KSR2: variants seen among roughly 807,000 people sequenced by gnomAD.
KSR2 encodes the protein kinase suppressor of ras 2.
KSR2 carries 25 observed loss-of-function variants against 107.8 expected under a neutral mutation model. The ratio of observed to expected loss-of-function variants is 0.23; its 90% CI spans 0.17 to 0.32. KSR2 has a LOEUF of 0.32. Ranked by LOEUF, KSR2 falls within the 10% of genes least tolerant of loss-of-function variation. The pLI is 1.00. For missense variants in KSR2, 887 were observed against 1,268.9 expected, an observed-to-expected ratio of 0.70 and a Z score of 4.57; for synonymous variants, 480 against 507.0, an observed-to-expected ratio of 0.95 and a Z score of 0.71.
intron 9 of KSR2, among the ~76,000 whole-genome samples, chr12:117,544,522 G>A (rs1876722474): frequency 6.6e-6 from 1 of 152,050 alleles, no homozygotes; most frequent in African/African-American, 2.4e-5. Context: ...GGGAGGCTGA[G>A]GCGGAAGAAT....
chr12:117,707,902 G>A (rs1410616793), intron 4 of KSR2, among the ~76,000 whole-genome samples: 1 of 152,146 alleles, frequency 6.6e-6, no homozygotes, highest in Non-Finnish European at 1.5e-5. Flanking sequence ...ATTTCCCCTA[G>A]GGTGATCCTT....
chr12:117,471,160 C>G (rs145464359), intron 18 of KSR2, 31 bp downstream of exon 18: 2 of 1,610,244 alleles, frequency 1.2e-6, no homozygotes, highest in South Asian at 2.2e-5. Flanking sequence ...CTCCCCTCAT[C>G]CCCCAAGTCT....
At chr12:117,945,597 C>G (rs549443672) in intron 1 of KSR2, among the ~76,000 whole-genome samples, 57 of 152,272 alleles carry the variant, frequency 3.7e-4, no homozygotes, top group Non-Finnish European at 4.4e-4. Flanking sequence ...TTACTTGAAC[C>G]TCGGAGGTAG....
intron 3 of KSR2, among the ~76,000 whole-genome samples, chr12:117,761,769 G>C (rs758645454): frequency 6.6e-6 from 1 of 152,038 alleles, no homozygotes; most frequent in Middle Eastern, 3.2e-3. Context: ...TACATCGTAT[G>C]CATGTTATAT....
chr12:117,719,288 A>G (rs1887118170), intron 4 of KSR2, among the ~76,000 whole-genome samples: 1 of 152,148 alleles, frequency 6.6e-6, no homozygotes, highest in Non-Finnish European at 1.5e-5. Context: ...TCTACCTCCC[A>G]GGTTCAAGCA....
chr12:117,928,543 A>C (rs1895605798), intron 1 of KSR2, among the ~76,000 whole-genome samples: 1 of 152,164 alleles, frequency 6.6e-6, no homozygotes, highest in South Asian at 2.1e-4. Flanking sequence ...TGGGTATATC[A>C]TATTTTATTT....
intron 16 of KSR2, among the ~76,000 whole-genome samples, chr12:117,480,022 ATGTGTATGTGTGTGTG>A (rs1401390807): frequency 6.3e-5 from 9 of 142,192 alleles, no homozygotes; most frequent in Admixed American, 3.4e-4. Flanking sequence ...ATCATTACAC[ATGTGTATGTGTGTGTG>A]TGTGTGTGTG....
Position 117,547,337 on chromosome 12 carries a change from C to A in KSR2, c.1519-7450G>T, listed in dbSNP as rs139853856. On this transcript the variant is annotated intron_variant, in intron 9 of 19. Coordinates refer to ENST00000339824, the MANE Select transcript of KSR2 (RefSeq NM_173598.6). ...ACTCTTGCTGGGAGGGGTAAGAATGCCAAAAAGCAGGGAGCAGACTTGTTA... is the reference window on the plus strand; with the variant it reads ...ACTCTTGCTGGGAGGGGTAAGAATGACAAAAAGCAGGGAGCAGACTTGTTA... 5.3e-5 allele frequency among the ~76,000 whole-genome samples: 8 copies of A among 152,236 alleles called. No individual in the cohort carries two copies. The East Asian group carries it at 1.3e-3, about 26-fold the overall frequency.
chr12:117,891,502 C>T (rs562163625), intron 1 of KSR2, among the ~76,000 whole-genome samples: 2 of 151,846 alleles, frequency 1.3e-5, no homozygotes, highest in Admixed American at 1.3e-4. Flanking sequence ...CTTTGGGAGG[C>T]AAAGGTGGGA....
chr12:117,608,261 A>G (rs570340638), intron 5 of KSR2, among the ~76,000 whole-genome samples: 1 of 152,338 alleles, frequency 6.6e-6, no homozygotes, highest in South Asian at 2.1e-4. Flanking sequence ...CCTTGAAGAC[A>G]TGGCTGTGTC....
chr12:117,948,145 GTCAA>G (rs1413255265), intron 1 of KSR2, among the ~76,000 whole-genome samples: 3 of 151,976 alleles, frequency 2.0e-5, no homozygotes, highest in African/African-American at 7.3e-5. Context: ...GATTTGACTG[GTCAA>G]TTTTAAGAAT....
intron 1 of KSR2, among the ~76,000 whole-genome samples, chr12:117,914,966 C>A (rs961586284): frequency 1.3e-5 from 2 of 152,198 alleles, no homozygotes; most frequent in Admixed American, 1.3e-4. Context: ...AGAAAGGACA[C>A]ACTTAGGTAC....
chr12:117,609,285 C>T (rs1167581264), intron 5 of KSR2, among the ~76,000 whole-genome samples: 3 of 152,216 alleles, frequency 2.0e-5, no homozygotes, highest in Middle Eastern at 3.4e-3. Flanking sequence ...ACAGGGTTGA[C>T]GTGAAATGAA....
At chr12:117,684,688 T>C (rs1178304402) in intron 4 of KSR2, among the ~76,000 whole-genome samples, 3 of 152,176 alleles carry the variant, frequency 2.0e-5, no homozygotes, top group Admixed American at 2.0e-4. Flanking sequence ...CACCAAGTTC[T>C]CTCTGTGTCA....
At position 117,699,934 on chromosome 12, in the gene KSR2, G is replaced by A. The variant is rs145828688; in HGVS notation, c.987-32276C>T. 7.8e-4 allele frequency among the ~76,000 whole-genome samples: 119 copies of A among 152,064 alleles called. 2 individuals carry two copies. In the East Asian group the frequency reaches 0.021, roughly 26 times the overall value. On this transcript the variant is annotated intron_variant, in intron 4 of 19. Coordinates refer to ENST00000339824, the MANE Select transcript of KSR2 (RefSeq NM_173598.6). ...GTCACCCTGGCTGGAGTGCAGTGGC[G>A]CGACCTTGGCTCACTGTAACCTATG...
chr12:117,846,130 A>G (rs1299043047), intron 3 of KSR2, among the ~76,000 whole-genome samples: 1 of 151,932 alleles, frequency 6.6e-6, no homozygotes, highest in African/African-American at 2.4e-5. Context: ...CCACCATTGC[A>G]TAGGCCAATT....
intron 4 of KSR2, among the ~76,000 whole-genome samples, chr12:117,755,528 G>C (rs949650351): frequency 6.6e-6 from 1 of 152,096 alleles, no homozygotes; most frequent in Non-Finnish European, 1.5e-5. Context: ...GAAATAAATC[G>C]ATCAATGTTG....
At chr12:117,582,491 A>G in intron 5 of KSR2, 132 bp from the exon 6 acceptor site, 1 of 691,436 alleles carries the variant, frequency 1.4e-6, no homozygotes, top group East Asian at 2.6e-5. Flanking sequence ...GCTAAACCAA[A>G]GCCAAGTGGA....
At chr12:117,793,579 A>G (rs1890388584) in intron 3 of KSR2, among the ~76,000 whole-genome samples, 1 of 144,602 alleles carries the variant, frequency 6.9e-6, no homozygotes, top group South Asian at 2.3e-4. Flanking sequence ...ACACACCTTT[A>G]CACCAATATG....
Sources: gnomAD v4.1 joint callset for allele counts (sites outside exome capture counted in the v4.1 genomes callset) on GRCh38, gnomAD v4.1.1 for gene constraint, MANE v1.5 for transcripts, NCBI Gene and HGNC (gene_info 2026-07-23, HGNC 2026-07-21) for gene names.